The following PGPEP1L variants were observed in gnomAD, a reference collection of about 807,000 sequenced individuals.
The protein encoded by PGPEP1L is pyroglutamyl-peptidase I like.
A neutral mutation model predicts 6.0 loss-of-function variants in PGPEP1L; 7 were observed. The observed-to-expected ratio is 1.17, with a 90% CI of 0.66 to 2.19. PGPEP1L has a LOEUF of 2.19. PGPEP1L is among the 30% of genes most tolerant of loss of function. The pLI is 0.00. For missense variants in PGPEP1L, 209 were observed against 192.5 expected, an observed-to-expected ratio of 1.09 and a Z score of -0.51; for synonymous variants, 103 against 83.9, an observed-to-expected ratio of 1.23 and a Z score of -1.24.
At chr15:98,969,006 C>CAT (rs1567233260) in intron 4 of PGPEP1L, among the ~76,000 whole-genome samples, 1 of 152,098 alleles carries the variant, frequency 6.6e-6, no homozygotes, top group Admixed American at 6.5e-5. Context: ...CATTCATTCA[C>CAT]TGGGGAAAGG....
At chr15:98,986,372 T>TA (rs1567239308) in intron 2 of PGPEP1L, among the ~76,000 whole-genome samples, 1 of 152,196 alleles carries the variant, frequency 6.6e-6, no homozygotes, top group African/African-American at 2.4e-5. Flanking sequence ...CATATGACCA[T>TA]TGATGTAATC....
intron 2 of PGPEP1L, among the ~76,000 whole-genome samples, chr15:98,997,536 CCCT>C (rs2017904637): frequency 1.3e-5 from 2 of 152,112 alleles, no homozygotes; most frequent in Middle Eastern, 3.2e-3. Context: ...AGAGGCAGTT[CCCT>C]CCTCAAGGCC....
chr15:98,976,432 T>A (rs1233466153), intron 2 of PGPEP1L, among the ~76,000 whole-genome samples: 1 of 152,216 alleles, frequency 6.6e-6, no homozygotes, highest in African/African-American at 2.4e-5. Context: ...CTGAAAGCCT[T>A]CTAGAGTTCT....
intron 1 of PGPEP1L, among the ~76,000 whole-genome samples, chr15:99,006,869 G>T (rs569089816): frequency 2.6e-4 from 40 of 152,218 alleles, no homozygotes; most frequent in South Asian, 1.9e-3. Flanking sequence ...AGAGGAAGAA[G>T]ACCCATGATT....
At chr15:99,001,501 C>T (rs1567244234) in intron 2 of PGPEP1L, among the ~76,000 whole-genome samples, 2 of 152,122 alleles carry the variant, frequency 1.3e-5, no homozygotes, top group African/African-American at 2.4e-5. Context: ...GAATATGTAA[C>T]TTCGTGACTA....
At chr15:98,969,333 C>T (rs776153829) in intron 4 of PGPEP1L, 92 bp downstream of exon 4, 35 of 1,513,830 alleles carry the variant, frequency 2.3e-5, no homozygotes, top group East Asian at 1.1e-4. Context: ...GCCAGCTGGA[C>T]GATACAGGAT....
intron 2 of PGPEP1L, among the ~76,000 whole-genome samples, chr15:98,983,926 G>A (rs879442013): frequency 7.9e-5 from 12 of 151,846 alleles, no homozygotes; most frequent in Non-Finnish European, 1.5e-4. Flanking sequence ...AAAATGCTGC[G>A]GTGTAAAATT....
chr15:99,006,038 G>C (rs2018053306), intron 1 of PGPEP1L, among the ~76,000 whole-genome samples: 1 of 152,100 alleles, frequency 6.6e-6, no homozygotes, highest in Non-Finnish European at 1.5e-5. Flanking sequence ...TGAGATGTGA[G>C]CAGAAAAAAA....
chr15:98,968,476 G>C lies in PGPEP1L; in HGVS notation c.*2C>G, dbSNP rs376384183. 6.2e-7 allele frequency: 1 copy of C among 1,611,820 alleles called. No individual in the cohort carries two copies. The highest frequency in any genetic ancestry group is 8.5e-7 in the Non-Finnish European group (1 of 1,178,960). On this transcript the variant is annotated 3_prime_UTR_variant, in exon 5 of 5. Coordinates refer to ENST00000535714, the MANE Select transcript of PGPEP1L (RefSeq NM_001167902.2). ...ATTTTCTCTAGAGGAGCAATCCCCC[G>C]GTCAGTTCCCTTTGGCTGGAAGGAC...
Position 99,007,683 on chromosome 15 carries a change from C to T in PGPEP1L, c.-694G>A, listed in dbSNP as rs1446223291. The T allele has an allele frequency of 6.6e-6, 1 of 152,198 alleles. No homozygotes were observed. Among genetic ancestry groups the T allele is most frequent in the African/African-American group, 2.4e-5 (1 of 41,430 alleles). The allele number at this position is 152,198 out of a possible 1,614,324, so 9.4% of individuals were successfully genotyped here. ...CTGCAGACCTTCACGGTGAGCGTTA[C>T]AGCTCATAAAGGCAGTGCGGACCCA... On this transcript the variant is annotated 5_prime_UTR_variant, in exon 1 of 5. Transcript: ENST00000535714.
At chr15:98,978,681 G>T (rs1341117456) in intron 2 of PGPEP1L, among the ~76,000 whole-genome samples, 4 of 142,938 alleles carry the variant, frequency 2.8e-5, no homozygotes, top group Non-Finnish European at 6.0e-5. Flanking sequence ...ACTTATTTGT[G>T]TCTTTTTCTC....
chr15:98,973,917 G>A (rs2017532163), intron 2 of PGPEP1L, among the ~76,000 whole-genome samples: 1 of 152,052 alleles, frequency 6.6e-6, no homozygotes, highest in African/African-American at 2.4e-5. Context: ...ATGAATAGGT[G>A]GTTTTGGGAA....
At chr15:98,979,665 T>TTTTTTTTTTTTA (rs1440316662) in intron 2 of PGPEP1L, among the ~76,000 whole-genome samples, 1 of 84,770 alleles carries the variant, frequency 1.2e-5, no homozygotes, top group Non-Finnish European at 2.3e-5. Context: ...TTTTTTTTTT[T>TTTTTTTTTTTTA]TTGGAGACAG....
intron 2 of PGPEP1L, among the ~76,000 whole-genome samples, chr15:98,992,845 G>A (rs1380518159): frequency 2.0e-5 from 3 of 152,218 alleles, no homozygotes; most frequent in Non-Finnish European, 4.4e-5. Context: ...AAGCAATGGG[G>A]AAAGGATTCC....
chr15:98,987,622 T>C (rs2017765918), intron 2 of PGPEP1L, among the ~76,000 whole-genome samples: 1 of 152,130 alleles, frequency 6.6e-6, no homozygotes, highest in South Asian at 2.1e-4. Context: ...TGAAGCTTTG[T>C]TTGTTTACTT....
At chr15:98,987,930 C>T (rs2017770454) in intron 2 of PGPEP1L, among the ~76,000 whole-genome samples, 1 of 152,128 alleles carries the variant, frequency 6.6e-6, no homozygotes, top group African/African-American at 2.4e-5. Context: ...AGAGACTGTA[C>T]TAGGAGGAAC....
At chr15:98,991,891 A>C (rs1006165540) in intron 2 of PGPEP1L, among the ~76,000 whole-genome samples, 5 of 152,242 alleles carry the variant, frequency 3.3e-5, no homozygotes, top group Non-Finnish European at 7.3e-5. Context: ...GTCCTTTGAC[A>C]AAATTCAACA....
Position 98,969,411 on chromosome 15 carries a change from C to G in PGPEP1L, c.209+14G>C, listed in dbSNP as rs1008800646. 1 of 1,613,648 alleles carries G rather than the reference C, an allele frequency of 6.2e-7. No individual in the cohort carries two copies. The highest frequency in any genetic ancestry group is 1.7e-5 in the Admixed American group (1 of 60,008). ...CTCCTACCTGCTCAGAGTCCTGACA[C>G]CCACAGAGCATACCTGCCTGCATCT... On this transcript the variant is annotated intron_variant, in intron 4 of 4. Transcript: ENST00000535714.
chr15:98,968,918 C>G (rs975353910), intron 4 of PGPEP1L, among the ~76,000 whole-genome samples: 16 of 151,794 alleles, frequency 1.1e-4, no homozygotes, highest in African/African-American at 3.6e-4. Flanking sequence ...GTGGCCAAGG[C>G]AGAAAGGGGT....
Sources: gnomAD v4.1 joint callset for allele counts (sites outside exome capture counted in the v4.1 genomes callset) on GRCh38, gnomAD v4.1.1 for gene constraint, MANE v1.5 for transcripts, NCBI Gene and HGNC (gene_info 2026-07-23, HGNC 2026-07-21) for gene names.